LRFN5: variants seen among roughly 807,000 people sequenced by gnomAD.
The protein encoded by LRFN5 is leucine-rich repeat and fibronectin type-III domain-containing protein 5.
In LRFN5, 24 loss-of-function variants were observed where a neutral mutation model predicts 45.6. The observed-to-expected ratio is 0.53, with a 90% CI of 0.38 to 0.74. LRFN5 has a LOEUF of 0.74. Among genes scored for constraint, LRFN5 ranks in the 30% least tolerant of loss-of-function variants. The pLI is 0.00. For synonymous variants in LRFN5, 340 were observed against 313.8 expected, an observed-to-expected ratio of 1.08 and a Z score of -0.88; for missense variants, 776 against 861.5, an observed-to-expected ratio of 0.90 and a Z score of 1.24.
At chr14:41,856,350 G>T (rs1046818949) in intron 2 of LRFN5, among the ~76,000 whole-genome samples, 12 of 152,030 alleles carry the variant, frequency 7.9e-5, no homozygotes, top group Non-Finnish European at 1.8e-4. Flanking sequence ...TAGACCTCGT[G>T]GTATGTTCTA....
At chr14:41,723,213 A>T (rs1351464437) in intron 1 of LRFN5, among the ~76,000 whole-genome samples, 2 of 152,092 alleles carry the variant, frequency 1.3e-5, no homozygotes, top group Non-Finnish European at 2.9e-5. Flanking sequence ...CGTGGATGTG[A>T]ATTGGAGAGG....
At chr14:41,680,737 C>A (rs1881848277) in intron 1 of LRFN5, among the ~76,000 whole-genome samples, 1 of 152,028 alleles carries the variant, frequency 6.6e-6, no homozygotes, top group African/African-American at 2.4e-5. Flanking sequence ...TCCAGATTAT[C>A]CTGGAAAACG....
intron 2 of LRFN5, among the ~76,000 whole-genome samples, chr14:41,791,135 A>T (rs17181692): frequency 0.13 from 20,469 of 151,824 alleles, 1,660 homozygotes; most frequent in Non-Finnish European, 0.18. Context: ...AACCCAGATC[A>T]TCTGTATATT....
intron 2 of LRFN5, among the ~76,000 whole-genome samples, chr14:41,885,944 C>T (rs1171852991): frequency 1.4e-5 from 2 of 141,486 alleles, no homozygotes; most frequent in African/African-American, 2.7e-5. Flanking sequence ...TCGCTTGAAC[C>T]TGGGAGGTGG....
chr14:41,724,656 TATAA>T (rs1402086804), intron 1 of LRFN5, among the ~76,000 whole-genome samples: 92 of 152,242 alleles, frequency 6.0e-4, no homozygotes, highest in African/African-American at 2.1e-3. Flanking sequence ...ATATAATAAG[TATAA>T]ATATTTTCAA....
At chr14:41,727,476 A>T (rs1594650402) in intron 1 of LRFN5, among the ~76,000 whole-genome samples, 1 of 151,290 alleles carries the variant, frequency 6.6e-6, no homozygotes, top group Non-Finnish European at 1.5e-5. Flanking sequence ...AAGAAAAAAA[A>T]TTAGCCAGTC....
At chr14:41,846,392 G>T (rs1889067616) in intron 2 of LRFN5, among the ~76,000 whole-genome samples, 1 of 152,162 alleles carries the variant, frequency 6.6e-6, no homozygotes, top group Non-Finnish European at 1.5e-5. Context: ...AATACATTTT[G>T]CTATAATCGT....
intron 1 of LRFN5, among the ~76,000 whole-genome samples, chr14:41,655,830 G>T (rs1880354417): frequency 6.6e-6 from 1 of 151,888 alleles, no homozygotes; most frequent in Non-Finnish European, 1.5e-5. Flanking sequence ...AATCAAGCAT[G>T]ATCTCACAGT....
At chr14:41,629,245 A>C (rs1038875713) in intron 1 of LRFN5, among the ~76,000 whole-genome samples, 1 of 152,166 alleles carries the variant, frequency 6.6e-6, no homozygotes, top group Admixed American at 6.6e-5. Flanking sequence ...TCAAAAACTC[A>C]CTGCCCTATG....
At chr14:41,824,929 A>G (rs1468419373) in intron 2 of LRFN5, among the ~76,000 whole-genome samples, 4 of 152,286 alleles carry the variant, frequency 2.6e-5, no homozygotes, top group South Asian at 2.1e-4. Context: ...CCACCTCCCT[A>G]TCATATCCCT....
Position 41,896,815 on chromosome 14 carries a change from G to A in LRFN5, c.2099-2102G>A, listed in dbSNP as rs768517451. Among the ~76,000 whole-genome samples, 10 of 152,028 alleles carry A rather than the reference G, an allele frequency of 6.6e-5. No individual in the cohort carries two copies. In the East Asian group the frequency reaches 7.8e-4, roughly 12 times the overall value. On this transcript the variant is annotated intron_variant, in intron 4 of 5. Transcript: ENST00000298119. ...GGCCACTTAAAAAGAGTGGTAGGCC[G>A]GGCTCAGTGGCTCACACCTGTAATC...
chr14:41,674,867 G>GCCAAGGCAGGCGGGT (rs1881524055), intron 1 of LRFN5, among the ~76,000 whole-genome samples: 1 of 150,120 alleles, frequency 6.7e-6, no homozygotes, highest in African/African-American at 2.5e-5. Context: ...CCGGGCGGAG[G>GCCAAGGCAGGCGGGT]GTCTCCTCGC....
chr14:41,885,337 AAAG>A (rs1226504033), intron 2 of LRFN5, among the ~76,000 whole-genome samples: 100 of 150,978 alleles, frequency 6.6e-4, no homozygotes, highest in African/African-American at 2.2e-3. Flanking sequence ...AAAAAAAAAA[AAAG>A]AAAGAAAGAA....
At chr14:41,696,141 G>A (rs1882599851) in intron 1 of LRFN5, among the ~76,000 whole-genome samples, 1 of 151,854 alleles carries the variant, frequency 6.6e-6, no homozygotes, top group Non-Finnish European at 1.5e-5. Flanking sequence ...GAAATAGCAG[G>A]AGAACTAAAA....
chr14:41,752,264 C>T (rs1014637023), intron 1 of LRFN5, among the ~76,000 whole-genome samples: 2 of 152,064 alleles, frequency 1.3e-5, no homozygotes, highest in African/African-American at 4.8e-5. Flanking sequence ...TTTTATAATC[C>T]TTTGAGTATA....
chr14:41,698,504 C>A (rs1882707868), intron 1 of LRFN5, among the ~76,000 whole-genome samples: 1 of 151,974 alleles, frequency 6.6e-6, no homozygotes, highest in African/African-American at 2.4e-5. Flanking sequence ...CTGGGCCATA[C>A]CCTAGACTAA....
intron 1 of LRFN5, among the ~76,000 whole-genome samples, chr14:41,650,460 G>A (rs1880057372): frequency 6.6e-6 from 1 of 152,068 alleles, no homozygotes; most frequent in Admixed American, 6.6e-5. Context: ...AAATTTGTTA[G>A]CAATTAAAGA....
At chr14:41,774,394 A>G (rs1992852) in intron 2 of LRFN5, among the ~76,000 whole-genome samples, 95,660 of 152,034 alleles carry the variant, frequency 0.63, 31,194 homozygotes, top group East Asian at 0.95. Context: ...AACAGAATAT[A>G]GGAGCCTTTA....
intron 2 of LRFN5, among the ~76,000 whole-genome samples, chr14:41,790,463 C>T (rs1485167696): frequency 6.6e-6 from 1 of 151,676 alleles, no homozygotes; most frequent in Non-Finnish European, 1.5e-5. Context: ...CTATTTCCTT[C>T]CCGTTACTCC....
Sources: allele counts gnomAD v4.1 joint callset (sites outside exome capture counted in the v4.1 genomes callset), GRCh38; gene constraint gnomAD v4.1.1; transcripts MANE v1.5; gene names NCBI Gene and HGNC (gene_info 2026-07-23, HGNC 2026-07-21).